Variants in FIG4 observed in about 807,000 individuals in gnomAD.
The protein encoded by FIG4 is polyphosphoinositide phosphatase.
A neutral mutation model predicts 118.6 loss-of-function variants in FIG4; 112 were observed. That is an observed-to-expected ratio of 0.94 (90% CI 0.81 to 1.11). The LOEUF is 1.11. Ranked by LOEUF, FIG4 falls within the 50% of genes least tolerant of loss-of-function variation. The probability of loss-of-function intolerance (pLI) is 0.00; values close to 1 mark genes in which losing one functional copy is unlikely to be tolerated. For missense variants in FIG4, 969 were observed against 1,111.7 expected, an observed-to-expected ratio of 0.87 and a Z score of 1.83; for synonymous variants, 369 against 381.2, an observed-to-expected ratio of 0.97 and a Z score of 0.37.
intron 15 of FIG4, among the ~76,000 whole-genome samples, chr6:109,771,871 C>G (rs930747736): frequency 2.0e-5 from 3 of 152,176 alleles, no homozygotes; most frequent in Non-Finnish European, 2.9e-5. Flanking sequence ...ATCAGTTTCT[C>G]TGTCTCTAAT....
At position 109,735,286 on chromosome 6, in the gene FIG4, C is replaced by G. The variant is rs1159482668; in HGVS notation, c.634C>G (p.Gln212Glu). 6.2e-7 allele frequency: 1 copy of G among 1,613,248 alleles called. No individual in the cohort carries two copies. Among genetic ancestry groups the G allele is most frequent in the Admixed American group, 1.7e-5 (1 of 59,962 alleles). The change falls in exon 6 of 23, where the codon CAA (glutamine) becomes GAA (glutamate). Residue 212 changes from glutamine to glutamate, a missense_variant. Physicochemically the swap from Gln to Glu is conservative, Grantham distance 29. This residue lies in a region of FIG4 where 393 missense variants were observed against 409.4 expected (regional missense o/e 0.96). Coordinates refer to ENST00000230124, the MANE Select transcript of FIG4 (RefSeq NM_014845.6). ...DIFEDEGLIT[Q>E]GGSGVFGICS... ...CTTTGAAGATGAAGGATTAATTACA[C>G]AAGGTGGAAGCGGTAGGTGGTCTTG...
chr6:109,767,021 T>G (rs1777300672), intron 15 of FIG4, 126 bp downstream of exon 15: 1 of 768,502 alleles, frequency 1.3e-6, no homozygotes, highest in East Asian at 2.7e-5. Flanking sequence ...AAACAGTCTG[T>G]CACTTAGAAG....
intron 1 of FIG4, among the ~76,000 whole-genome samples, chr6:109,708,762 T>C (rs1775168158): frequency 6.6e-6 from 1 of 152,248 alleles, no homozygotes; most frequent in African/African-American, 2.4e-5. Context: ...GCTGCATGTA[T>C]GTCTTCTTTA....
intron 1 of FIG4, among the ~76,000 whole-genome samples, chr6:109,709,458 T>C (rs1368940579): frequency 6.6e-6 from 1 of 152,178 alleles, no homozygotes; most frequent in Non-Finnish European, 1.5e-5. Context: ...CTTTTTTGGT[T>C]CCATATGAAT....
At chr6:109,760,919 G>A (rs76928132) in intron 11 of FIG4, among the ~76,000 whole-genome samples, 7,995 of 152,138 alleles carry the variant, frequency 0.053, 407 homozygotes, top group East Asian at 0.23. Flanking sequence ...CCCTCCCTGG[G>A]ATGCTTTCCC....
chr6:109,742,127 G>A (rs1238036469), intron 8 of FIG4, among the ~76,000 whole-genome samples: 1 of 152,010 alleles, frequency 6.6e-6, no homozygotes, highest in Non-Finnish European at 1.5e-5. Flanking sequence ...GTCTAATGTT[G>A]TGGAGGGTGA....
At chr6:109,762,298 G>A in intron 12 of FIG4, 91 bp downstream of exon 12, 1 of 803,104 alleles carries the variant, frequency 1.2e-6, no homozygotes, top group East Asian at 2.5e-5. Context: ...TTGGAAATTG[G>A]ATGAATTTAG....
chr6:109,737,743 A>G (rs1776200859), intron 6 of FIG4, among the ~76,000 whole-genome samples: 3 of 152,212 alleles, frequency 2.0e-5, no homozygotes, highest in Non-Finnish European at 1.5e-5. Flanking sequence ...TTCATAGAGA[A>G]AAGGCCTGAC....
At chr6:109,741,870 ATT>A (rs1776334669) in intron 8 of FIG4, among the ~76,000 whole-genome samples, 1 of 152,098 alleles carries the variant, frequency 6.6e-6, no homozygotes, top group Admixed American at 6.6e-5. Context: ...CTAATACTGT[ATT>A]GTTAAGGGAA....
At chr6:109,703,361 T>C (rs1332330873) in intron 1 of FIG4, among the ~76,000 whole-genome samples, 1 of 152,166 alleles carries the variant, frequency 6.6e-6, no homozygotes, top group Non-Finnish European at 1.5e-5. Context: ...TTTATCTTCT[T>C]CTGACACTAC....
intron 10 of FIG4, among the ~76,000 whole-genome samples, chr6:109,749,907 A>G (rs556217217): frequency 1.2e-4 from 18 of 152,200 alleles, no homozygotes; most frequent in South Asian, 2.1e-4. Context: ...TAGTTTGGAG[A>G]TTAAGTTGCT....
intron 1 of FIG4, among the ~76,000 whole-genome samples, chr6:109,706,509 T>C (rs1283658383): frequency 2.0e-5 from 3 of 152,188 alleles, no homozygotes; most frequent in Non-Finnish European, 4.4e-5. Context: ...TACTAACAGA[T>C]TGGCGCATTT....
chr6:109,769,326 A>G (rs1777386857), intron 15 of FIG4, among the ~76,000 whole-genome samples: 1 of 152,158 alleles, frequency 6.6e-6, no homozygotes, highest in Admixed American at 6.5e-5. Flanking sequence ...AGATAAAGAT[A>G]TTCTGAGAAA....
At position 109,738,261 on chromosome 6, in the gene FIG4, T is replaced by G. The variant is rs1168981468; in HGVS notation, c.647-64T>G. On this transcript the variant is annotated intron_variant, in intron 6 of 22. Transcript: ENST00000230124. ...TTTCCATATCTTTCTGATACCAACC[T>G]TTTTTTTAATTGATACAAAATATTT... 3 of 1,363,370 alleles carry G rather than the reference T, an allele frequency of 2.2e-6. No individual in the cohort carries two copies. The African/African-American group carries it at 4.3e-5, about 20-fold the overall frequency. The allele number at this position is 1,363,370 out of a possible 1,614,324, so 84.5% of individuals were successfully genotyped here.
chr6:109,727,051 A>T, intron 3 of FIG4, 58 bp from the exon 4 acceptor site: 1 of 1,327,362 alleles, frequency 7.5e-7, no homozygotes, highest in African/African-American at 1.4e-5. Flanking sequence ...TTAAATAGGC[A>T]TCTAAAAGCC....
chr6:109,766,640 A>G, intron 14 of FIG4, 89 bp from the exon 15 acceptor site: 3 of 1,088,362 alleles, frequency 2.8e-6, no homozygotes, highest in Non-Finnish European at 4.2e-6. Flanking sequence ...AGAATTTTTA[A>G]AGTATAAGAC....
intron 5 of FIG4, 65 bp downstream of exon 5, chr6:109,732,752 A>G (rs1776046031): frequency 1.0e-6 from 1 of 987,110 alleles, no homozygotes; most frequent in Non-Finnish European, 1.6e-6. Context: ...TCCAGCGGGT[A>G]AAAGCAGAAT....
intron 10 of FIG4, among the ~76,000 whole-genome samples, chr6:109,748,348 G>A (rs1387908977): frequency 1.3e-5 from 2 of 152,154 alleles, no homozygotes; most frequent in African/African-American, 4.8e-5. Flanking sequence ...TGGCAATACT[G>A]TGATCGAAGT....
Position 109,796,662 on chromosome 6 carries a change from G to A in FIG4, c.2460-103G>A, listed in dbSNP as rs181690241. 59 of 786,954 alleles carry A rather than the reference G, an allele frequency of 7.5e-5. No individual in the cohort carries two copies. The African/African-American group carries it at 9.1e-4, about 12-fold the overall frequency. 48.7% of individuals were successfully genotyped at this position (786,954 alleles called of 1,614,324 possible). ...ACTCTTAGGTGTTTTTCTGAAATAAGCATACTACTGAAATTTGAAAGCTTA... is the reference window on the plus strand; with the variant it reads ...ACTCTTAGGTGTTTTTCTGAAATAAACATACTACTGAAATTTGAAAGCTTA... On this transcript the variant is annotated intron_variant, in intron 21 of 22. Coordinates refer to ENST00000230124, the MANE Select transcript of FIG4 (RefSeq NM_014845.6).
Sources: gnomAD v4.1 joint callset for allele counts (sites outside exome capture counted in the v4.1 genomes callset) on GRCh38, gnomAD v4.1.1 for gene constraint, gnomAD v4.1.1 regional missense constraint, MANE v1.5 for transcripts, NCBI Gene and HGNC (gene_info 2026-07-23, HGNC 2026-07-21) for gene names.